Variants in GABRA3 observed in about 807,000 individuals in gnomAD.
GABRA3 encodes gamma-aminobutyric acid receptor subunit alpha-3.
GABRA3 carries 10 observed loss-of-function variants against 30.1 expected under a neutral mutation model. The ratio of observed to expected loss-of-function variants is 0.33; its 90% confidence interval spans 0.20 to 0.56. GABRA3 has a LOEUF of 0.56. GABRA3 is among the 20% of genes least tolerant of loss of function. The pLI is 0.89. For synonymous variants in GABRA3, 151 were observed against 146.8 expected (o/e 1.03, Z -0.21); for missense variants, 233 against 392.0 (o/e 0.59, Z 3.42).
At chrX:152,320,150 G>C (rs2124465607) in intron 3 of GABRA3, among the ~76,000 whole-genome samples, 1 of 111,700 alleles carries the variant, frequency 9.0e-6, no homozygotes, top group South Asian at 3.8e-4. Flanking sequence ...AGCCACTATG[G>C]TAAATAGTGT....
chrX:152,238,404 A>C, intron 5 of GABRA3, among the ~76,000 whole-genome samples: 1 of 105,636 alleles, frequency 9.5e-6, no homozygotes, highest in Non-Finnish European at 1.9e-5. Flanking sequence ...CCAGTATTTT[A>C]TTGAGGATTT....
chrX:152,216,389 AACACACACACACACAC>A (rs60255687), intron 6 of GABRA3, among the ~76,000 whole-genome samples: 320 of 77,612 alleles, frequency 4.1e-3, no homozygotes, highest in Non-Finnish European at 4.5e-3. Flanking sequence ...ATAATATATA[AACACACACACACACAC>A]ACACACACAC....
At chrX:152,265,942 A>G (rs967319768) in intron 4 of GABRA3, among the ~76,000 whole-genome samples, 16 of 111,242 alleles carry the variant, frequency 1.4e-4, no homozygotes, top group African/African-American at 3.6e-4. Context: ...CCATGAAGAA[A>G]TCCAAACCTG....
chrX:152,296,701 C>G (rs1030583053), intron 3 of GABRA3, among the ~76,000 whole-genome samples: 41 of 107,851 alleles, frequency 3.8e-4, no homozygotes, highest in African/African-American at 1.3e-3. Flanking sequence ...CCTTTTCTTT[C>G]TCTTTTTTTT....
rs1340585145 is a variant in GABRA3 at position 152,275,181 on chromosome X, T to TTAATATTATATATATAATTTATATATA, written c.330+9460_330+9486dup. On this transcript the variant is annotated intron_variant, in intron 4 of 9. Coordinates refer to ENST00000370314, the MANE Select transcript of GABRA3 (RefSeq NM_000808.4). ...TATTATATATATAATTTATATATAT[T>TTAATATTATATATATAATTTATATATA]TAATATTATATATATAATTTATATA... is the stretch of plus-strand genomic sequence containing the variant. 1.3e-3 allele frequency among the ~76,000 whole-genome samples: 96 copies of TTAATATTATATATATAATTTATATATA among 75,317 alleles called. 1 individual carries two copies. Among genetic ancestry groups the TTAATATTATATATATAATTTATATATA allele is most frequent in the African/African-American group, 4.6e-3 (90 of 19,573 alleles). 65.4% of individuals were successfully genotyped at this position (75,317 alleles called of 115,157 possible). A position where few individuals can be genotyped will look rare whatever the true frequency, so the allele number is the denominator to read the frequency against.
chrX:152,382,552 G>T (rs754961529), intron 1 of GABRA3, among the ~76,000 whole-genome samples: 5 of 111,660 alleles, frequency 4.5e-5, no homozygotes, highest in African/African-American at 1.6e-4. Flanking sequence ...TGCTTTTGTT[G>T]CCTGTGCTTT....
chrX:152,170,778 A>C (rs926468340), intron 9 of GABRA3, among the ~76,000 whole-genome samples: 2 of 112,170 alleles, frequency 1.8e-5, no homozygotes, highest in African/African-American at 6.5e-5. Flanking sequence ...TTTTGGCCTC[A>C]GTGTTTTCAG....
chrX:152,332,587 C>T (rs1940179923), intron 3 of GABRA3, among the ~76,000 whole-genome samples: 1 of 111,850 alleles, frequency 8.9e-6, no homozygotes, highest in Admixed American at 9.5e-5. Context: ...GTATCTCGAC[C>T]CTTTTTTTTA....
intron 4 of GABRA3, among the ~76,000 whole-genome samples, chrX:152,269,118 C>CA: frequency 9.0e-6 from 1 of 111,671 alleles, no homozygotes; most frequent in African/African-American, 3.3e-5. Flanking sequence ...AAGACTCCAA[C>CA]AAAAAATTGT....
At chrX:152,280,942 A>G (rs930232633) in intron 4 of GABRA3, among the ~76,000 whole-genome samples, 3 of 111,051 alleles carry the variant, frequency 2.7e-5, no homozygotes, top group African/African-American at 9.8e-5. Flanking sequence ...TTTTCTTGGT[A>G]TAGTTCAGAC....
chrX:152,234,753 T>A (rs761882624), intron 5 of GABRA3, among the ~76,000 whole-genome samples: 1 of 111,730 alleles, frequency 9.0e-6, no homozygotes, highest in Admixed American at 9.5e-5. Context: ...TATGTTTCCG[T>A]TGATTTTCTC....
rs776736805 is a variant in GABRA3, at chrX:152,189,724, T to C, written c.1143+6A>G. The C allele has an allele frequency of 8.4e-7, 1 of 1,189,486 alleles. No homozygotes were observed. The highest frequency in any genetic ancestry group is 1.8e-5 in the South Asian group (1 of 55,974). On this transcript the variant is annotated splice_donor_region_variant and intron_variant, in intron 9 of 9. Transcript: ENST00000370314. Reference sequence around the variant, plus strand: ...GCTTCTCAGTTTCTCTTTTGCTATATCTCACCTTCATCTCCAGGGCCTCTG... The same window carrying C: ...GCTTCTCAGTTTCTCTTTTGCTATACCTCACCTTCATCTCCAGGGCCTCTG...
intron 1 of GABRA3, among the ~76,000 whole-genome samples, chrX:152,368,847 AG>A (rs1928741675): frequency 9.3e-6 from 1 of 108,034 alleles, no homozygotes; most frequent in African/African-American, 3.4e-5. Flanking sequence ...CTGGGACTAC[AG>A]GCACCGGCCA....
chrX:152,317,264 A>C (rs763122576), intron 3 of GABRA3, among the ~76,000 whole-genome samples: 6 of 111,738 alleles, frequency 5.4e-5, no homozygotes, highest in African/African-American at 9.8e-5. Context: ...CCAAGAGTAA[A>C]ATGTCACAAA....
At position 152,383,641 on chromosome X, in the gene GABRA3, T is replaced by C. The variant is rs367938300; in HGVS notation, c.-26-19045A>G. Among the ~76,000 whole-genome samples the C allele has an allele frequency of 4.7e-5, 5 of 106,943 alleles. No homozygotes were observed. In the East Asian group the frequency reaches 1.5e-3, roughly 31 times the overall value. The allele number at this position is 106,943 out of a possible 115,157, so 92.9% of individuals were successfully genotyped here. The stretch of plus-strand genomic sequence containing the variant: ...GCAAAGGGTAAAATCCCTACGATCA[T>C]CTCAATCAATTTAGAAAAAGAATGT... On this transcript the variant is annotated intron_variant, in intron 1 of 9. Transcript: ENST00000370314.
intron 3 of GABRA3, among the ~76,000 whole-genome samples, chrX:152,327,452 A>G (rs1345160634): frequency 6.3e-4 from 70 of 111,889 alleles, no homozygotes; most frequent in Non-Finnish European, 1.1e-3. Flanking sequence ...TAGTTGGAAG[A>G]AAAGCACTCC....
intron 7 of GABRA3, among the ~76,000 whole-genome samples, chrX:152,203,547 G>A (rs1177212536): frequency 8.9e-6 from 1 of 111,796 alleles, no homozygotes. Flanking sequence ...CAAACAGCAC[G>A]AATTTATACT....
At chrX:152,304,208 T>G (rs922900455) in intron 3 of GABRA3, among the ~76,000 whole-genome samples, 16 of 112,183 alleles carry the variant, frequency 1.4e-4, no homozygotes, top group African/African-American at 5.2e-4. Flanking sequence ...TAAACCTTGA[T>G]CAGATGCATA....
At chrX:152,282,444 C>T (rs1441148365) in intron 4 of GABRA3, among the ~76,000 whole-genome samples, 1 of 111,591 alleles carries the variant, frequency 9.0e-6, no homozygotes, top group Non-Finnish European at 1.9e-5. Flanking sequence ...TCAAAACACC[C>T]GAAATATGCT....
Sources: gnomAD v4.1 joint callset for allele counts (sites outside exome capture counted in the v4.1 genomes callset) on GRCh38, gnomAD v4.1.1 for gene constraint, MANE v1.5 for transcripts, NCBI Gene and HGNC (gene_info 2026-07-23, HGNC 2026-07-21) for gene names.